The following PRRG1 variants were observed in gnomAD, a reference collection of about 807,000 sequenced individuals.
The protein encoded by PRRG1 is transmembrane gamma-carboxyglutamic acid protein 1.
A neutral mutation model predicts 11.8 loss-of-function variants in PRRG1; 5 were observed. The observed-to-expected ratio is 0.42, with a 90% CI of 0.22 to 0.89. The LOEUF is 0.89. Ranked by LOEUF, PRRG1 falls within the 40% of genes least tolerant of loss-of-function variation. PRRG1 has a pLI of 0.28. For synonymous variants in PRRG1, 66 were observed against 60.4 expected (o/e 1.09, Z -0.43); for missense variants, 155 against 166.1 (o/e 0.93, Z 0.37).
chrX:37,391,387 G>A (rs369807171), intron 1 of PRRG1, among the ~76,000 whole-genome samples: 5,039 of 107,115 alleles, frequency 0.047, 298 homozygotes, highest in African/African-American at 0.16. Flanking sequence ...GAAAGAAGCA[G>A]AAAAAAAAAA....
At position 37,423,155 on chromosome X, in the gene PRRG1, TTTTTAACAAAAAAGTTAAA is replaced by T. The variant is rs1285465798; in HGVS notation, c.11-2668_11-2650del. ...GCTAATGTGTGTGCTTGTATCTTAA[TTTTTAACAAAAAAGTTAAA>T]TTTTAACAAAAAAGTTTAATTTTTA... On this transcript the variant is annotated intron_variant, in intron 2 of 3. Coordinates refer to ENST00000378628, the MANE Select transcript of PRRG1 (RefSeq NM_001142395.2). Among the ~76,000 whole-genome samples the T allele has an allele frequency of 1.1e-4, 12 of 109,158 alleles. No individual in the cohort carries two copies. In the South Asian group the frequency reaches 1.9e-3, roughly 17 times the overall value. The allele number at this position is 109,158 out of a possible 115,157, so 94.8% of individuals were successfully genotyped here.
intron 2 of PRRG1, among the ~76,000 whole-genome samples, chrX:37,410,740 C>G (rs1932329101): frequency 8.9e-6 from 1 of 112,162 alleles, no homozygotes. Flanking sequence ...AGTTCAGAAG[C>G]TCGTGCTACA....
chrX:37,420,668 CAAA>C (rs1302856034), intron 2 of PRRG1, among the ~76,000 whole-genome samples: 2 of 29,532 alleles, frequency 6.8e-5, no homozygotes, highest in Admixed American at 8.5e-4. Context: ...CCCGTCTATG[CAAA>C]AAAAAAAAAA....
At position 37,439,137 on chromosome X, in the gene PRRG1, A is replaced by T. The variant is rs782023338; in HGVS notation, c.171+13137A>T. 3.6e-5 allele frequency among the ~76,000 whole-genome samples: 4 copies of T among 112,171 alleles called. No individual in the cohort carries two copies. The East Asian group carries it at 1.1e-3, about 31-fold the overall frequency. Reference sequence around the variant, plus strand: ...GGGTACTGTCAAGCTGAAACAGGAAATCTGTCTCCTAGTGAACTACAACAA... The same window carrying T: ...GGGTACTGTCAAGCTGAAACAGGAATTCTGTCTCCTAGTGAACTACAACAA... On this transcript the variant is annotated intron_variant, in intron 3 of 3. Coordinates refer to ENST00000378628, the MANE Select transcript of PRRG1 (RefSeq NM_001142395.2).
intron 1 of PRRG1, among the ~76,000 whole-genome samples, chrX:37,397,455 A>G (rs1931756237): frequency 1.8e-5 from 2 of 112,362 alleles, no homozygotes; most frequent in African/African-American, 3.2e-5. Flanking sequence ...GGAATGATCT[A>G]CTGCCTTGCA....
chrX:37,372,451 C>T (rs782651825), intron 1 of PRRG1, among the ~76,000 whole-genome samples: 69 of 111,620 alleles, frequency 6.2e-4, no homozygotes, highest in African/African-American at 2.1e-3. Context: ...TTACAGGTGC[C>T]CACCACCATG....
intron 3 of PRRG1, among the ~76,000 whole-genome samples, chrX:37,445,805 C>T (rs1933065870): frequency 1.8e-5 from 2 of 112,633 alleles, no homozygotes; most frequent in South Asian, 7.3e-4. Flanking sequence ...CAAATATAGC[C>T]CACCATCTGT....
At chrX:37,377,352 A>G (rs1167988163) in intron 1 of PRRG1, among the ~76,000 whole-genome samples, 2 of 111,910 alleles carry the variant, frequency 1.8e-5, no homozygotes, top group Non-Finnish European at 3.8e-5. Flanking sequence ...ATGATAGCCA[A>G]AGTAAATGAG....
At chrX:37,353,104 G>A (rs1175099487) in intron 1 of PRRG1, among the ~76,000 whole-genome samples, 4 of 111,821 alleles carry the variant, frequency 3.6e-5, no homozygotes, top group African/African-American at 1.3e-4. Context: ...TGTTATCATA[G>A]GGGATGATAT....
chrX:37,437,946 T>C (rs868914137), intron 3 of PRRG1, among the ~76,000 whole-genome samples: 4 of 109,598 alleles, frequency 3.6e-5, no homozygotes, highest in Non-Finnish European at 7.6e-5. Context: ...ATTTTTTTTT[T>C]CTTTTTTGTT....
intron 1 of PRRG1, among the ~76,000 whole-genome samples, chrX:37,363,365 A>G (rs1290955514): frequency 8.9e-6 from 1 of 112,346 alleles, no homozygotes; most frequent in Non-Finnish European, 1.9e-5. Context: ...AGGATTTACT[A>G]TGCATGCATT....
chrX:37,427,326 G>A (rs1392389915), intron 3 of PRRG1, among the ~76,000 whole-genome samples: 1 of 111,681 alleles, frequency 9.0e-6, no homozygotes, highest in African/African-American at 3.3e-5. Flanking sequence ...CTTATTTAAT[G>A]TATACGTTTC....
chrX:37,351,026 C>G (rs998321745), intron 1 of PRRG1, among the ~76,000 whole-genome samples: 19 of 111,158 alleles, frequency 1.7e-4, no homozygotes, highest in African/African-American at 5.9e-4. Flanking sequence ...GCCATCTTCT[C>G]CAGAGTGAAT....
chrX:37,442,829 T>C (rs1556394266), intron 3 of PRRG1, among the ~76,000 whole-genome samples: 1 of 111,250 alleles, frequency 9.0e-6, no homozygotes, highest in Admixed American at 9.5e-5. Context: ...ATGGGGGTGA[T>C]TTCCTGCATA....
At position 37,425,823 on chromosome X, in the gene PRRG1, C is replaced by T; in HGVS notation, c.11-17C>T. 1 of 1,156,424 alleles carries T rather than the reference C, an allele frequency of 8.6e-7. No individual in the cohort carries two copies. The highest frequency in any genetic ancestry group is 2.0e-5 in the South Asian group (1 of 50,638). ...CAACTTGCCACATAGGTTTTTTATACTTATATTTCTTTTTAGTTTTCCTCA... is the reference window on the plus strand; with the variant it reads ...CAACTTGCCACATAGGTTTTTTATATTTATATTTCTTTTTAGTTTTCCTCA... On this transcript the variant is annotated splice_polypyrimidine_tract_variant and intron_variant, in intron 2 of 3. Transcript: ENST00000378628.
At chrX:37,365,369 C>A (rs1369906940) in intron 1 of PRRG1, among the ~76,000 whole-genome samples, 2 of 111,533 alleles carry the variant, frequency 1.8e-5, no homozygotes, top group East Asian at 5.7e-4. Context: ...CTGCCCTCAG[C>A]ATACCTTCTG....
chrX:37,416,241 T>C (rs891551585), intron 2 of PRRG1, among the ~76,000 whole-genome samples: 2 of 111,946 alleles, frequency 1.8e-5, no homozygotes, highest in African/African-American at 6.5e-5. Flanking sequence ...AAATGTAACA[T>C]GTGTCCTACT....
chrX:37,365,386 G>T (rs1930542229), intron 1 of PRRG1, among the ~76,000 whole-genome samples: 1 of 111,558 alleles, frequency 9.0e-6, no homozygotes, highest in Non-Finnish European at 1.9e-5. Context: ...TCTGGTGGCA[G>T]GTGCAGATGT....
At chrX:37,425,544 A>G (rs1258886739) in intron 2 of PRRG1, among the ~76,000 whole-genome samples, 2 of 112,238 alleles carry the variant, frequency 1.8e-5, no homozygotes, top group South Asian at 7.4e-4. Flanking sequence ...GAGTATAAGT[A>G]GTGCTATCAT....
Sources: gnomAD v4.1 joint callset for allele counts (sites outside exome capture counted in the v4.1 genomes callset) on GRCh38, gnomAD v4.1.1 for gene constraint, MANE v1.5 for transcripts, NCBI Gene and HGNC (gene_info 2026-07-23, HGNC 2026-07-21) for gene names.